KHDC4: variants seen among roughly 807,000 people sequenced by gnomAD.
KHDC4 encodes the protein KH homology domain-containing protein 4.
Under a neutral mutation model 74.5 loss-of-function variants are expected in KHDC4, and 19 were observed. The ratio of observed to expected loss-of-function variants is 0.26; its 90% CI spans 0.18 to 0.37. The LOEUF is 0.37. KHDC4 is among the 10% of genes least tolerant of loss of function. KHDC4 has a pLI of 1.00. For synonymous variants in KHDC4, 253 were observed against 266.1 expected, an observed-to-expected ratio of 0.95 and a Z score of 0.48; for missense variants, 632 against 754.1, an observed-to-expected ratio of 0.84 and a Z score of 1.90.
chr1:155,922,143 ATCTT>A lies in KHDC4; in HGVS notation c.955-229_955-226del. 6 of 254,124 alleles carry A rather than the reference ATCTT, an allele frequency of 2.4e-5. No individual in the cohort carries two copies. In the East Asian group the frequency reaches 3.1e-4, roughly 13 times the overall value. 15.7% of individuals were successfully genotyped at this position (254,124 alleles called of 1,614,324 possible). On this transcript the variant is annotated intron_variant, in intron 8 of 13. Coordinates refer to ENST00000368321, the MANE Select transcript of KHDC4 (RefSeq NM_014949.4). ...GTGGCGCGATCTTGTATCACTGCAA[ATCTT>A]TTTTTTTTTTTTTTTTTTGAGACAG...
At chr1:155,926,977 C>T in intron 5 of KHDC4, 127 bp downstream of exon 5, 1 of 1,315,802 alleles carries the variant, frequency 7.6e-7, no homozygotes, top group Non-Finnish European at 1.1e-6. Flanking sequence ...AACTCCCATA[C>T]AAATTCGTGT....
At chr1:155,919,914 T>G (rs753236623) in intron 10 of KHDC4, 5 of 479,500 alleles carry the variant, frequency 1.0e-5, no homozygotes, top group Non-Finnish European at 2.1e-5. Flanking sequence ...TTACACACTG[T>G]GCAACCCCCT....
intron 7 of KHDC4, 102 bp from the exon 8 acceptor site, chr1:155,923,789 A>T: frequency 1.2e-6 from 1 of 824,830 alleles, no homozygotes; most frequent in South Asian, 1.5e-5. Context: ...ACATTAATAC[A>T]TTCACTGTAG....
intron 2 of KHDC4, among the ~76,000 whole-genome samples, 173 bp from the exon 3 acceptor site, chr1:155,930,013 A>G (rs1223644249): frequency 6.6e-6 from 1 of 152,108 alleles, no homozygotes; most frequent in Admixed American, 6.6e-5. Flanking sequence ...CCTGGGTTCA[A>G]GCAATTCTCC....
At chr1:155,929,212 A>G in intron 4 of KHDC4, 84 bp downstream of exon 4, 1 of 912,176 alleles carries the variant, frequency 1.1e-6, no homozygotes, top group African/African-American at 1.6e-5. Context: ...TATTGTGTAC[A>G]CGTATTACCT....
Position 155,925,798 on chromosome 1 carries a change from C to T in KHDC4, c.727G>A (p.Val243Ile). 1 of 1,614,078 alleles carries T rather than the reference C, an allele frequency of 6.2e-7. No individual in the cohort carries two copies. Among genetic ancestry groups the T allele is most frequent in the Non-Finnish European group, 8.5e-7 (1 of 1,179,932 alleles). Reference protein sequence around the residue: ...DKLFVGLEHAVPTFNVKEKVE... With the variant: ...DKLFVGLEHAIPTFNVKEKVE... ...TTCTCCTTGACATTAAAAGTGGGTA[C>T]AGCATGTTCTAGACCCACAAATAAT... Residue 243 changes from valine to isoleucine, a missense_variant, in exon 7 of 14, where the codon GTA becomes ATA. Coordinates refer to ENST00000368321, the MANE Select transcript of KHDC4 (RefSeq NM_014949.4).
intron 10 of KHDC4, among the ~76,000 whole-genome samples, chr1:155,918,823 T>C (rs1226476967): frequency 6.6e-6 from 1 of 152,180 alleles, no homozygotes; most frequent in Non-Finnish European, 1.5e-5. Context: ...TCTTACTTAA[T>C]CCTTGCAAAC....
At chr1:155,929,565 T>C (rs1323011568) in intron 3 of KHDC4, 147 bp downstream of exon 3, 1 of 1,049,532 alleles carries the variant, frequency 9.5e-7, no homozygotes, top group Non-Finnish European at 1.4e-6. Flanking sequence ...TTCCATTATC[T>C]TCCTCTGAAG....
rs1463999851 is a variant in KHDC4, at chr1:155,925,021, CCTGG to C, written c.893+607_893+610del. Among the ~76,000 whole-genome samples the C allele has an allele frequency of 3.9e-5, 5 of 128,262 alleles. No individual in the cohort carries two copies. In the Admixed American group the frequency reaches 5.1e-4, roughly 13 times the overall value. 84.1% of individuals were successfully genotyped at this position (128,262 alleles called of 152,430 possible). On this transcript the variant is annotated intron_variant, in intron 7 of 13. Transcript: ENST00000368321. ...TGGGATTAAGGTGTACACCATAACA[CCTGG>C]CTAATTTTTTTTTTTTTTTGAGATG...
Position 155,917,584 on chromosome 1 carries a change from G to A in KHDC4, c.1355C>T (p.Pro452Leu), listed in dbSNP as rs781643318. ...GPQPQPQPQP[P>L]LPSQPQAQKR... Reference sequence around the variant, plus strand: ...CTGTGCCTGGGGCTGACTTGGGAGTGGGGGCTGGGGCTGGGGCTGGGGCTG... The same window carrying A: ...CTGTGCCTGGGGCTGACTTGGGAGTAGGGGCTGGGGCTGGGGCTGGGGCTG... The change falls in exon 11 of 14, where the codon CCA becomes CTA. Residue 452 changes from proline (P) to leucine (L), a missense_variant. Transcript: ENST00000368321. 1 of 1,604,792 alleles carries A rather than the reference G, an allele frequency of 6.2e-7. No individual in the cohort carries two copies. Among genetic ancestry groups the A allele is most frequent in the Non-Finnish European group, 8.5e-7 (1 of 1,174,538 alleles).
At chr1:155,927,874 A>ACACACACACACAC (rs1557970777) in intron 4 of KHDC4, among the ~76,000 whole-genome samples, 2 of 68,072 alleles carry the variant, frequency 2.9e-5, no homozygotes, top group African/African-American at 1.1e-4. Flanking sequence ...ACACACACAC[A>ACACACACACACAC]AAATTAATGG....
In KHDC4 at chr1:155,921,922, A is replaced by C. The variant is rs774921832; in HGVS notation, c.955-4T>G. ...ATCTAGAGTATTCAGCATGAACCTG[A>C]AAGAGAGGGGGAAACAAATTAACAT... is the stretch of plus-strand genomic sequence containing the variant. On this transcript the variant is annotated splice_region_variant and splice_polypyrimidine_tract_variant and intron_variant, in intron 8 of 13. Transcript: ENST00000368321. 6.2e-7 allele frequency: 1 copy of C among 1,600,490 alleles called. No homozygotes were observed. The highest frequency in any genetic ancestry group is 1.1e-5 in the South Asian group (1 of 90,332).
intron 13 of KHDC4, 86 bp from the exon 14 acceptor site, chr1:155,914,406 G>C: frequency 8.7e-7 from 1 of 1,151,274 alleles, no homozygotes; most frequent in Non-Finnish European, 1.2e-6. Flanking sequence ...AAAAAAAGAT[G>C]TTAATTTTAA....
At position 155,926,701 on chromosome 1, in the gene KHDC4, C is replaced by T; in HGVS notation, c.656G>A (p.Ser219Asn). The change falls in exon 6 of 14, where the codon AGC becomes AAC. Residue 219 changes from serine to asparagine, a missense_variant. This residue lies in a region of KHDC4 where 233 missense variants were observed against 342.6 expected (regional missense o/e 0.68). Coordinates refer to ENST00000368321, the MANE Select transcript of KHDC4 (RefSeq NM_014949.4). ...CCCTGACTGGAAGGGAGGCTTCTGG[C>T]TAACAGCTGGAGACAACTGAGCGAT... ...APIAQLSPAVSQKPPFQSGMH... is the reference protein window; with the variant it reads ...APIAQLSPAVNQKPPFQSGMH... 6.2e-7 allele frequency: 1 copy of T among 1,614,174 alleles called. No homozygotes were observed. Among genetic ancestry groups the T allele is most frequent in the South Asian group, 1.1e-5 (1 of 91,086 alleles).
intron 7 of KHDC4, among the ~76,000 whole-genome samples, chr1:155,924,825 C>T (rs1219683698): frequency 2.0e-5 from 3 of 151,554 alleles, no homozygotes; most frequent in Non-Finnish European, 2.9e-5. Context: ...CCGCCTGCCT[C>T]GGCCTCCCAA....
chr1:155,915,919 T>C lies in KHDC4; in HGVS notation c.1599A>G (p.Thr533=). 6.2e-7 allele frequency: 1 copy of C among 1,601,926 alleles called. No individual in the cohort carries two copies. The highest frequency in any genetic ancestry group is 8.5e-7 in the Non-Finnish European group (1 of 1,176,058). Residue 533 remains threonine, a synonymous_variant, in exon 13 of 14, where the codon ACA becomes ACG. Transcript: ENST00000368321. ...CAGACCCATTCCTTTCATCGGACTC[T>C]GTTTTTATTCCAGTCACTGGAAAGG... is the stretch of plus-strand genomic sequence containing the variant. The part of the protein sequence containing the change: ...PPAFPVTGIK[T]ESDERNGSGT...
chr1:155,929,249 G>T, intron 4 of KHDC4, 47 bp downstream of exon 4: 2 of 1,307,942 alleles, frequency 1.5e-6, no homozygotes, highest in South Asian at 1.2e-5. Context: ...AGGCTAACGT[G>T]AGTCATACAC....
intron 13 of KHDC4, chr1:155,914,794 T>C (rs1009406239): frequency 6.3e-6 from 1 of 159,616 alleles, no homozygotes. Context: ...AACTGACCAT[T>C]ACTGACCAAT....
intron 10 of KHDC4, 132 bp downstream of exon 10, chr1:155,921,243 T>G: frequency 9.6e-7 from 1 of 1,039,738 alleles, no homozygotes; most frequent in Non-Finnish European, 1.4e-6. Flanking sequence ...AGGTTGGTGG[T>G]AGGAACACAG....
Sources: gnomAD v4.1 joint callset for allele counts (sites outside exome capture counted in the v4.1 genomes callset) on GRCh38, gnomAD v4.1.1 for gene constraint, gnomAD v4.1.1 regional missense constraint, MANE v1.5 for transcripts, NCBI Gene and HGNC (gene_info 2026-07-23, HGNC 2026-07-21) for gene names.